Variants in FBXL17 observed in about 807,000 individuals in gnomAD.
FBXL17 encodes the protein F-box and leucine rich repeat protein 17, also known as F-box/LRR-repeat protein 17.
Under a neutral mutation model 66.2 loss-of-function variants are expected in FBXL17, and 22 were observed. That is an observed-to-expected ratio of 0.33 (90% confidence interval 0.24 to 0.47). The LOEUF (loss-of-function observed/expected upper bound fraction) is 0.47, where lower values mean the gene tolerates loss of function less well. Among genes scored for constraint, FBXL17 ranks in the 20% least tolerant of loss-of-function variants. The pLI is 1.00. For synonymous variants in FBXL17, 474 were observed against 400.5 expected (o/e 1.18, Z -2.19); for missense variants, 878 against 948.2 (o/e 0.93, Z 0.97).
chr5:108,324,364 A>G (rs568586204), intron 4 of FBXL17, among the ~76,000 whole-genome samples: 10 of 152,098 alleles, frequency 6.6e-5, no homozygotes, highest in Non-Finnish European at 1.0e-4. Flanking sequence ...TGCAAATCAA[A>G]ACAAAGAAAT....
At chr5:108,013,011 T>A (rs1015580453) in intron 7 of FBXL17, among the ~76,000 whole-genome samples, 1 of 77,188 alleles carries the variant, frequency 1.3e-5, no homozygotes, top group African/African-American at 5.4e-5. Flanking sequence ...CGAAACTCCG[T>A]CTCAAAAAAA....
At chr5:108,330,119 G>C (rs1292053457) in intron 4 of FBXL17, among the ~76,000 whole-genome samples, 1 of 152,096 alleles carries the variant, frequency 6.6e-6, no homozygotes, top group Non-Finnish European at 1.5e-5. Flanking sequence ...AGTAGCCAAA[G>C]ACTACTTTAT....
intron 5 of FBXL17, among the ~76,000 whole-genome samples, chr5:108,211,470 C>T (rs1580622489): frequency 6.6e-6 from 1 of 152,054 alleles, no homozygotes; most frequent in Non-Finnish European, 1.5e-5. Context: ...GTACTGGTTT[C>T]TCCTTTCCAT....
At position 108,009,304 on chromosome 5, in the gene FBXL17, T is replaced by TAGATAGATAGATAGATAGATAGATAG. The variant is rs1165543412; in HGVS notation, c.1822+11620_1822+11621insCTATCTATCTATCTATCTATCTATCT. 4.5e-3 allele frequency among the ~76,000 whole-genome samples: 88 copies of TAGATAGATAGATAGATAGATAGATAG among 19,556 alleles called. 11 individuals carry two copies. Among genetic ancestry groups the TAGATAGATAGATAGATAGATAGATAG allele is most frequent in the African/African-American group, 7.7e-3 (44 of 5,702 alleles). 12.8% of individuals were successfully genotyped at this position (19,556 alleles called of 152,430 possible). Reference sequence around the variant, plus strand: ...ATATATATATATATATATATATACATATATACATACACATATAGTTTTGCT... The same window carrying TAGATAGATAGATAGATAGATAGATAG: ...ATATATATATATATATATATATACATAGATAGATAGATAGATAGATAGATAGATATACATACACATATAGTTTTGCT... On this transcript the variant is annotated intron_variant, in intron 7 of 8. Transcript: ENST00000542267.
intron 7 of FBXL17, among the ~76,000 whole-genome samples, chr5:107,935,405 A>ATG (rs1489523432): frequency 2.7e-5 from 1 of 36,380 alleles, no homozygotes; most frequent in Non-Finnish European, 5.7e-5. Flanking sequence ...CTCTTTATAT[A>ATG]TATATATGTG....
intron 6 of FBXL17, among the ~76,000 whole-genome samples, chr5:108,029,723 T>G (rs1008421485): frequency 6.6e-6 from 1 of 151,706 alleles, no homozygotes; most frequent in Admixed American, 6.6e-5. Context: ...TCTATAAAAA[T>G]TATGTAGTTT....
chr5:108,373,504 G>C (rs922074974), intron 1 of FBXL17, among the ~76,000 whole-genome samples: 10 of 150,720 alleles, frequency 6.6e-5, no homozygotes, highest in Non-Finnish European at 1.5e-4. Flanking sequence ...CAGCATCAGA[G>C]GAATTGACAA....
chr5:108,349,861 T>C (rs1747530383), intron 3 of FBXL17, among the ~76,000 whole-genome samples: 1 of 152,210 alleles, frequency 6.6e-6, no homozygotes, highest in Non-Finnish European at 1.5e-5. Context: ...TGCATGTTCA[T>C]TTTTTATGTT....
chr5:107,891,379 G>A (rs1215051930), intron 7 of FBXL17, among the ~76,000 whole-genome samples: 1 of 152,136 alleles, frequency 6.6e-6, no homozygotes, highest in Non-Finnish European at 1.5e-5. Flanking sequence ...TGGGGCACAG[G>A]AGTGATATAA....
chr5:107,931,117 G>T (rs758212409), intron 7 of FBXL17, among the ~76,000 whole-genome samples: 1 of 152,142 alleles, frequency 6.6e-6, no homozygotes. Context: ...TTTCTGAGAT[G>T]CTGCCAGTTG....
At chr5:108,006,752 A>T (rs1394569294) in intron 7 of FBXL17, among the ~76,000 whole-genome samples, 5 of 152,248 alleles carry the variant, frequency 3.3e-5, no homozygotes, top group Non-Finnish European at 7.3e-5. Flanking sequence ...GCAGCACATC[A>T]TGTGTTAAAT....
At chr5:108,079,799 G>A (rs1406221367) in intron 6 of FBXL17, among the ~76,000 whole-genome samples, 1 of 152,182 alleles carries the variant, frequency 6.6e-6, no homozygotes, top group Non-Finnish European at 1.5e-5. Context: ...AAACAGGCTT[G>A]TCTCATGTTA....
chr5:108,186,300 T>C (rs1186290874), intron 5 of FBXL17, 53 bp from the exon 6 acceptor site: 3 of 1,491,102 alleles, frequency 2.0e-6, no homozygotes, highest in Non-Finnish European at 2.8e-6. Context: ...ACATTCACTC[T>C]CAAAACTTAC....
In FBXL17 at chr5:108,181,767, G is replaced by C. The variant is rs73778674; in HGVS notation, c.1745+4350C>G. ...AAGTTCCATTATACTTTCAATATGA[G>C]AGAAAATAATGAGCTTAGTTAAAAA... On this transcript the variant is annotated intron_variant, in intron 6 of 8. Transcript: ENST00000542267. 3.7e-3 allele frequency among the ~76,000 whole-genome samples: 557 copies of C among 152,170 alleles called. 2 individuals carry two copies. The highest frequency in any genetic ancestry group is 0.013 in the African/African-American group (529 of 41,510).
intron 6 of FBXL17, among the ~76,000 whole-genome samples, chr5:108,041,419 G>C (rs1010954186): frequency 6.6e-6 from 1 of 151,846 alleles, no homozygotes; most frequent in Admixed American, 6.6e-5. Flanking sequence ...TTTTTGTTTT[G>C]TTTTGTTTTG....
At chr5:107,929,517 A>G (rs1309984383) in intron 7 of FBXL17, among the ~76,000 whole-genome samples, 1 of 152,192 alleles carries the variant, frequency 6.6e-6, no homozygotes, top group African/African-American at 2.4e-5. Context: ...CACACACATA[A>G]TATATGTAAT....
At chr5:107,876,309 G>A (rs189111105) in intron 8 of FBXL17, among the ~76,000 whole-genome samples, 49 of 152,142 alleles carry the variant, frequency 3.2e-4, no homozygotes, top group Non-Finnish European at 5.6e-4. Flanking sequence ...CCCAGACGCT[G>A]GCATTTTCAA....
At chr5:107,983,627 C>A (rs1379268316) in intron 7 of FBXL17, among the ~76,000 whole-genome samples, 4 of 152,092 alleles carry the variant, frequency 2.6e-5, no homozygotes, top group African/African-American at 9.7e-5. Flanking sequence ...CCAGAAAATT[C>A]AGAGAATAAA....
intron 7 of FBXL17, among the ~76,000 whole-genome samples, chr5:108,018,408 A>G (rs1754464964): frequency 6.6e-6 from 1 of 152,172 alleles, no homozygotes; most frequent in African/African-American, 2.4e-5. Flanking sequence ...TCTGGTTACA[A>G]TGAATAATCT....
Sources: gnomAD v4.1 joint callset for allele counts (sites outside exome capture counted in the v4.1 genomes callset) on GRCh38, gnomAD v4.1.1 for gene constraint, MANE v1.5 for transcripts, NCBI Gene and HGNC (gene_info 2026-07-23, HGNC 2026-07-21) for gene names.